The following CHAF1A variants were observed in gnomAD, a reference collection of about 807,000 sequenced individuals.
CHAF1A encodes the protein chromatin assembly factor 1 subunit A.
CHAF1A carries 5 observed loss-of-function variants against 93.2 expected under a neutral mutation model. The observed-to-expected ratio is 0.05, with a 90% CI of 0.03 to 0.11. The LOEUF is 0.11. Ranked by LOEUF, CHAF1A falls within the 10% of genes least tolerant of loss-of-function variation. CHAF1A has a pLI of 1.00. For synonymous variants in CHAF1A, 504 were observed against 510.3 expected (o/e 0.99, Z 0.17); for missense variants, 1,102 against 1,259.9 (o/e 0.87, Z 1.90).
chr19:4,429,348 G>A lies in CHAF1A; in HGVS notation c.1605-90G>A. On this transcript the variant is annotated intron_variant, in intron 8 of 14. Transcript: ENST00000301280. ...AACAAATGCCCATCTTTCTAGAATT[G>A]TTAGGCCAGCTTCACAGGGAGGTTC... 4 of 1,446,680 alleles carry A rather than the reference G, an allele frequency of 2.8e-6. No individual in the cohort carries two copies. In the South Asian group the frequency reaches 5.2e-5, roughly 19 times the overall value. 89.6% of individuals were successfully genotyped at this position (1,446,680 alleles called of 1,614,324 possible).
intron 3 of CHAF1A, among the ~76,000 whole-genome samples, chr19:4,417,135 C>T (rs563328604): frequency 6.6e-6 from 1 of 152,248 alleles, no homozygotes; most frequent in East Asian, 1.9e-4. Flanking sequence ...CAACACCCGA[C>T]TAACTAAAAG....
intron 3 of CHAF1A, among the ~76,000 whole-genome samples, chr19:4,412,333 G>A (rs536821489): frequency 4.6e-5 from 7 of 152,270 alleles, no homozygotes; most frequent in East Asian, 1.9e-4. Context: ...ACCTAAGGTC[G>A]AGAGTTCAAG....
At chr19:4,441,276 C>T (rs1974383582) in intron 13 of CHAF1A, among the ~76,000 whole-genome samples, 2 of 151,962 alleles carry the variant, frequency 1.3e-5, no homozygotes, top group South Asian at 4.1e-4. Flanking sequence ...AAGATCGCAC[C>T]ACTGCACTCC....
At chr19:4,441,682 G>A (rs550176738) in intron 13 of CHAF1A, among the ~76,000 whole-genome samples, 11 of 151,786 alleles carry the variant, frequency 7.2e-5, no homozygotes, top group African/African-American at 1.5e-4. Context: ...TGAGGCGGGC[G>A]GATCACGAGG....
intron 13 of CHAF1A, among the ~76,000 whole-genome samples, chr19:4,439,990 G>A (rs1974355959): frequency 6.6e-6 from 1 of 152,178 alleles, no homozygotes; most frequent in African/African-American, 2.4e-5. Flanking sequence ...ATCCAGGAGG[G>A]GAGCCCCTAC....
intron 6 of CHAF1A, 126 bp from the exon 7 acceptor site, chr19:4,423,680 G>T: frequency 9.6e-7 from 1 of 1,044,648 alleles, no homozygotes. Flanking sequence ...TTTGAGAGCT[G>T]AAAATCACAG....
In CHAF1A at chr19:4,432,099, G is replaced by A. The variant is rs375548057; in HGVS notation, c.2095G>A (p.Asp699Asn). The A allele has an allele frequency of 2.1e-5, 34 of 1,613,830 alleles. No homozygotes were observed. The highest frequency in any genetic ancestry group is 1.1e-4 in the African/African-American group (8 of 74,888). ...GGCGGCTGACAGAGACTGCGCAGGC[G>A]ATGACCTGAAGGTACTGCAGCAGTT... ...VWAADRDCAGDDLKVLQQFAA... is the reference protein window; with the variant it reads ...VWAADRDCAGNDLKVLQQFAA... The change falls in exon 12 of 15, where the codon GAT (aspartate) becomes AAT (asparagine). Residue 699 changes from aspartate (D) to asparagine (N), a missense_variant. Asp to Asn is a conservative substitution (Grantham distance 23). Transcript: ENST00000301280.
At chr19:4,416,468 T>C (rs971878481) in intron 3 of CHAF1A, among the ~76,000 whole-genome samples, 3 of 152,202 alleles carry the variant, frequency 2.0e-5, no homozygotes, top group Admixed American at 6.5e-5. Flanking sequence ...ATGGATCCTA[T>C]TGGTAATTCC....
chr19:4,407,812 G>A (rs1218059161), intron 2 of CHAF1A, among the ~76,000 whole-genome samples: 5 of 152,068 alleles, frequency 3.3e-5, no homozygotes, highest in Non-Finnish European at 1.5e-5. Context: ...GCTGGGTGTA[G>A]TAGTGCATGC....
downstream of CHAF1A, chr19:4,444,608 G>A (rs1051976853): frequency 1.3e-5 from 2 of 152,354 alleles, no homozygotes; most frequent in Non-Finnish European, 2.9e-5. Context: ...GAGGACACTG[G>A]GTCCCGGACC....
chr19:4,411,639 C>T (rs1252677476), intron 3 of CHAF1A, among the ~76,000 whole-genome samples: 2 of 45,288 alleles, frequency 4.4e-5, no homozygotes, highest in Admixed American at 4.4e-4. Context: ...AAAAATGGTG[C>T]AAATCTTTTT....
At chr19:4,426,788 T>C (rs243366) in intron 7 of CHAF1A, among the ~76,000 whole-genome samples, 49,627 of 151,970 alleles carry the variant, frequency 0.33, 8,594 homozygotes, top group East Asian at 0.6. Flanking sequence ...TGTCTTTCAT[T>C]ATACTGAAAT....
At chr19:4,449,348 C>T (rs1227645767), downstream of CHAF1A, 1 of 152,990 alleles carries the variant, frequency 6.5e-6, no homozygotes, top group African/African-American at 2.4e-5. Flanking sequence ...CCACCCCCCA[C>T]CCTCAACTGC....
chr19:4,433,024 G>T lies in CHAF1A; in HGVS notation c.2204-46G>T. The T allele has an allele frequency of 7.0e-7, 1 of 1,436,918 alleles. No individual in the cohort carries two copies. The highest frequency in any genetic ancestry group is 2.5e-5 in the East Asian group (1 of 39,938). The allele number at this position is 1,436,918 out of a possible 1,614,324, so 89.0% of individuals were successfully genotyped here. On this transcript the variant is annotated intron_variant, in intron 12 of 14. Coordinates refer to ENST00000301280, the MANE Select transcript of CHAF1A (RefSeq NM_005483.3). This position sits in a 1 kb window ranked among gnomAD's most constrained non-coding sequence, Gnocchi z 5.6. ...GTTTTGTTTTTTGGCCTGTGGTGAT[G>T]GGTGGCTCCCCAAGCCTCATGCCCA...
downstream of CHAF1A, chr19:4,448,567 C>T (rs1974590064): frequency 1.5e-6 from 1 of 668,114 alleles, no homozygotes; most frequent in Admixed American, 2.5e-5. Flanking sequence ...AAAGAGAGAC[C>T]CTCCAAGACC....
rs1353262077 is a variant in CHAF1A at position 4,433,988 on chromosome 19, C to A, written c.2673+449C>A. ...GAAGGTACAGAAAGTTCCCATACAC[C>A]TCCTTCCCCAAAGCCAAGCCAAGCC... is the stretch of plus-strand genomic sequence containing the variant. On this transcript the variant is annotated intron_variant, in intron 13 of 14. Transcript: ENST00000301280. The surrounding 1 kb of genome is among the most constrained non-coding windows in gnomAD (Gnocchi z 5.6). Among the ~76,000 whole-genome samples, 2 of 152,076 alleles carry A rather than the reference C, an allele frequency of 1.3e-5. No individual in the cohort carries two copies. The highest frequency in any genetic ancestry group is 4.8e-5 in the African/African-American group (2 of 41,410).
chr19:4,447,238 G>A, downstream of CHAF1A: 1 of 571,992 alleles, frequency 1.7e-6, no homozygotes, highest in South Asian at 2.1e-5. Context: ...TCCCCCAGAA[G>A]AACCAGACAT....
chr19:4,444,093 T>G (rs1328603023), downstream of CHAF1A, among the ~76,000 whole-genome samples: 1 of 152,138 alleles, frequency 6.6e-6, no homozygotes, highest in Non-Finnish European at 1.5e-5. Context: ...TTTGATGAGC[T>G]TTACAGGGGC....
intron 11 of CHAF1A, chr19:4,431,110 A>G (rs940863680): frequency 6.3e-6 from 1 of 157,890 alleles, no homozygotes; most frequent in Non-Finnish European, 1.4e-5. Context: ...TCCAGATTCC[A>G]TAAGGTTGTG....
Sources: gnomAD v4.1 joint callset for allele counts (sites outside exome capture counted in the v4.1 genomes callset) on GRCh38, gnomAD v4.1.1 for gene constraint, Gnocchi (gnomAD v3.1) non-coding constraint, MANE v1.5 for transcripts, NCBI Gene and HGNC (gene_info 2026-07-23, HGNC 2026-07-21) for gene names.